MDFI: variants seen among roughly 807,000 people sequenced by gnomAD.
MDFI encodes inhibitor of MyoD family a.
A neutral mutation model predicts 22.3 loss-of-function variants in MDFI; 16 were observed. The ratio of observed to expected loss-of-function variants is 0.72; its 90% CI spans 0.49 to 1.09. MDFI has a LOEUF of 1.09. MDFI is among the 50% of genes least tolerant of loss of function. The pLI is 0.00. For synonymous variants in MDFI, 145 were observed against 142.7 expected (o/e 1.02, Z -0.12); for missense variants, 314 against 326.1 (o/e 0.96, Z 0.29).
intron 3 of MDFI, among the ~76,000 whole-genome samples, chr6:41,648,024 C>A (rs192279348): frequency 3.6e-4 from 44 of 122,304 alleles, no homozygotes; most frequent in Middle Eastern, 0.014. Context: ...GGCCTGGGCA[C>A]GGAGCTAGAC....
intron 2 of MDFI, among the ~76,000 whole-genome samples, chr6:41,642,121 T>A (rs1767873753): frequency 6.6e-6 from 1 of 151,814 alleles, no homozygotes; most frequent in Non-Finnish European, 1.5e-5. Context: ...AGAGGAGGAG[T>A]ACAGGGCTGG....
At chr6:41,645,492 A>C (rs559168817) in intron 2 of MDFI, among the ~76,000 whole-genome samples, 13 of 150,476 alleles carry the variant, frequency 8.6e-5, no homozygotes, top group African/African-American at 2.7e-4. Flanking sequence ...GGTTCCTCTG[A>C]CTCCTCTATC....
At chr6:41,646,757 G>C (rs1288635131) in intron 3 of MDFI, among the ~76,000 whole-genome samples, 4 of 152,146 alleles carry the variant, frequency 2.6e-5, no homozygotes, top group Non-Finnish European at 4.4e-5. Context: ...AGGAGGTCCT[G>C]GGGGGAGGGA....
chr6:41,640,788 C>T (rs1377495763), intron 2 of MDFI, among the ~76,000 whole-genome samples: 3 of 152,180 alleles, frequency 2.0e-5, no homozygotes, highest in Non-Finnish European at 4.4e-5. Flanking sequence ...GGTGGCCAAG[C>T]CCCCACACCC....
intron 3 of MDFI, among the ~76,000 whole-genome samples, chr6:41,647,227 G>A (rs905131662): frequency 2.0e-5 from 3 of 152,240 alleles, no homozygotes; most frequent in Non-Finnish European, 4.4e-5. Flanking sequence ...AGTGGAGGAG[G>A]GGGTCTGGTG....
intron 4 of MDFI, among the ~76,000 whole-genome samples, chr6:41,652,686 T>A (rs1254491832): frequency 1.4e-5 from 2 of 141,938 alleles, no homozygotes; most frequent in Non-Finnish European, 1.5e-5. Context: ...TGATCTCGGC[T>A]CACTACTACA....
At chr6:41,639,664 G>A in intron 2 of MDFI, 2 of 985,454 alleles carry the variant, frequency 2.0e-6, no homozygotes, top group Non-Finnish European at 2.4e-6. Context: ...GGGGAACCGC[G>A]TGCAGGAGTG....
In MDFI at chr6:41,654,042, C is replaced by T; in HGVS notation, c.*467C>T. 4.9e-6 allele frequency: 1 copy of T among 203,532 alleles called. No individual in the cohort carries two copies. The highest frequency in any genetic ancestry group is 1.0e-5 in the Non-Finnish European group (1 of 98,652). The allele number at this position is 203,532 out of a possible 1,614,324, so 12.6% of individuals were successfully genotyped here. On this transcript the variant is annotated 3_prime_UTR_variant, in exon 5 of 5. Coordinates refer to ENST00000230321, the MANE Select transcript of MDFI (RefSeq NM_005586.4). ...AATGTGAAGAGACGCCCCACCCACC[C>T]TCAGCCAGCCCTCTCCAGTCTCCTT... is the stretch of plus-strand genomic sequence containing the variant.
intron 2 of MDFI, chr6:41,639,357 C>G: frequency 1.0e-6 from 1 of 985,376 alleles, no homozygotes; most frequent in Non-Finnish European, 1.2e-6. Flanking sequence ...CCTCTCGTGC[C>G]GGCCAGTCCC....
At chr6:41,645,703 G>T (rs941299265) in intron 2 of MDFI, among the ~76,000 whole-genome samples, 2 of 151,956 alleles carry the variant, frequency 1.3e-5, no homozygotes, top group African/African-American at 4.8e-5. Context: ...CCAATCTCTC[G>T]CAGTCCGATG....
chr6:41,637,382 G>C (rs1767678807), upstream of MDFI: 1 of 152,244 alleles, frequency 6.6e-6, no homozygotes, highest in East Asian at 1.9e-4. This position sits in a 1 kb window ranked among gnomAD's most constrained non-coding sequence, Gnocchi z 6.8. Context: ...CTCGGGACTA[G>C]AAAAGGTGGC....
chr6:41,647,269 C>G (rs1047270269), intron 3 of MDFI, among the ~76,000 whole-genome samples: 1 of 152,232 alleles, frequency 6.6e-6, no homozygotes, highest in Non-Finnish European at 1.5e-5. Context: ...TGTCTGTGAG[C>G]CCTGAGTGTT....
Position 41,646,138 on chromosome 6 carries a change from C to T in MDFI, c.89C>T (p.Ser30Phe), listed in dbSNP as rs1204633840. The T allele has an allele frequency of 2.6e-6, 4 of 1,529,818 alleles. No individual in the cohort carries two copies. The African/African-American group carries it at 4.2e-5, about 16-fold the overall frequency. 94.8% of individuals were successfully genotyped at this position (1,529,818 alleles called of 1,614,324 possible). A position where few individuals can be genotyped will look rare whatever the true frequency, so the allele number is the denominator to read the frequency against. ...GCTTTTTTCCTAGCCCAGACCCTAT[C>T]CCTCCTTCCTGGGCTGGAGGTAGTA... ...SAAPGPAQTL[S>F]LLPGLEVVTG... The change falls in exon 3 of 5, where the codon TCC (serine) becomes TTC (phenylalanine). Residue 30 changes from serine (S) to phenylalanine (F), a missense_variant. Coordinates refer to ENST00000230321, the MANE Select transcript of MDFI (RefSeq NM_005586.4).
At chr6:41,649,528 G>T in intron 3 of MDFI, 91 bp from the exon 4 acceptor site, 1 of 1,225,152 alleles carries the variant, frequency 8.2e-7, no homozygotes. Context: ...TGGGGTATAT[G>T]TAAGAATGCA....
At position 41,638,971 on chromosome 6, in the gene MDFI, G is replaced by C; in HGVS notation, c.76+146G>C. On this transcript the variant is annotated intron_variant, in intron 2 of 4. Transcript: ENST00000230321. The surrounding 1 kb of genome is among the most constrained non-coding windows in gnomAD (Gnocchi z 7.6). ...GTAGGGACGAAAAGTCTGGGTTTGAGGACTTGGTCCAAGGAGAGTAGGGGG... is the reference window on the plus strand; with the variant it reads ...GTAGGGACGAAAAGTCTGGGTTTGACGACTTGGTCCAAGGAGAGTAGGGGG... The C allele has an allele frequency of 5.0e-6, 5 of 998,492 alleles. No homozygotes were observed. In the South Asian group the frequency reaches 8.4e-5, roughly 17 times the overall value. The allele number at this position is 998,492 out of a possible 1,614,324, so 61.9% of individuals were successfully genotyped here.
intron 2 of MDFI, among the ~76,000 whole-genome samples, chr6:41,645,047 C>T (rs1167391855): frequency 2.6e-5 from 4 of 152,058 alleles, no homozygotes; most frequent in African/African-American, 9.7e-5. Context: ...TCTCTTGTTT[C>T]TGTGTCTCCT....
At position 41,638,502 on chromosome 6, in the gene MDFI, A is replaced by G. The variant is rs1321297288; in HGVS notation, c.-162A>G. ...GGGCGAACGGCGTGAGCTGGCGCCG[A>G]AATGGGAGAAAGCAGCGAGTGAGAG... is the stretch of plus-strand genomic sequence containing the variant. On this transcript the variant is annotated 5_prime_UTR_variant, in exon 1 of 5. Coordinates refer to ENST00000230321, the MANE Select transcript of MDFI (RefSeq NM_005586.4). The surrounding 1 kb of genome is among the most constrained non-coding windows in gnomAD (Gnocchi z 7.6). 3.8e-6 allele frequency: 2 copies of G among 522,460 alleles called. No homozygotes were observed. Among genetic ancestry groups the G allele is most frequent in the Non-Finnish European group, 6.7e-6 (2 of 298,598 alleles). 32.4% of individuals were successfully genotyped at this position (522,460 alleles called of 1,614,324 possible).
rs2127424326 is a variant in MDFI at position 41,638,696 on chromosome 6, T to C, written c.-11-43T>C. ...CGCGCATCTGCGGGGGAATCGCCCC[T>C]TGCCCGCCTCCGGCGCCGCCCGCTG... On this transcript the variant is annotated intron_variant, in intron 1 of 4. Coordinates refer to ENST00000230321, the MANE Select transcript of MDFI (RefSeq NM_005586.4). This position sits in a 1 kb window ranked among gnomAD's most constrained non-coding sequence, Gnocchi z 7.6. 4.6e-6 allele frequency: 7 copies of C among 1,530,158 alleles called. No homozygotes were observed. The highest frequency in any genetic ancestry group is 6.1e-6 in the Non-Finnish European group (7 of 1,139,590). 94.8% of individuals were successfully genotyped at this position (1,530,158 alleles called of 1,614,324 possible).
At chr6:41,651,300 A>G (rs1336013094) in intron 4 of MDFI, among the ~76,000 whole-genome samples, 2 of 149,514 alleles carry the variant, frequency 1.3e-5, no homozygotes, top group Non-Finnish European at 3.0e-5. Context: ...GATAAGTGCA[A>G]TGATAAACTC....
Sources: gnomAD v4.1 joint callset for allele counts (sites outside exome capture counted in the v4.1 genomes callset) on GRCh38, gnomAD v4.1.1 for gene constraint, Gnocchi (gnomAD v3.1) non-coding constraint, MANE v1.5 for transcripts, NCBI Gene and HGNC (gene_info 2026-07-23, HGNC 2026-07-21) for gene names.